EYA1: variants seen among roughly 807,000 people sequenced by gnomAD.
The protein encoded by EYA1 is protein phosphatase EYA1.
In EYA1, 16 loss-of-function variants were observed where a neutral mutation model predicts 82.0. The ratio of observed to expected loss-of-function variants is 0.20; its 90% CI spans 0.13 to 0.30. The LOEUF (loss-of-function observed/expected upper bound fraction) is 0.30, where lower values mean the gene tolerates loss of function less well. Ranked by LOEUF, EYA1 falls within the 10% of genes least tolerant of loss-of-function variation. EYA1 has a pLI of 1.00. For synonymous variants in EYA1, 261 were observed against 264.4 expected, an observed-to-expected ratio of 0.99 and a Z score of 0.12; for missense variants, 633 against 730.7, an observed-to-expected ratio of 0.87 and a Z score of 1.54.
chr8:71,334,884 T>G (rs1174292712), intron 3 of EYA1, among the ~76,000 whole-genome samples: 1 of 152,252 alleles, frequency 6.6e-6, no homozygotes, highest in Admixed American at 6.5e-5. Context: ...CTTTGTGCTG[T>G]GAGATAACTT....
intron 3 of EYA1, among the ~76,000 whole-genome samples, chr8:71,335,946 C>T (rs1824435931): frequency 2.0e-5 from 3 of 152,200 alleles, no homozygotes; most frequent in South Asian, 4.2e-4. Context: ...GAATTAGGTG[C>T]CATGGAAACA....
chr8:71,492,098 A>G (rs902943281), intron 2 of EYA1, among the ~76,000 whole-genome samples: 10 of 152,174 alleles, frequency 6.6e-5, no homozygotes, highest in Non-Finnish European at 1.2e-4. Flanking sequence ...ATGCCAGTCC[A>G]TTAGCAGTGG....
intron 9 of EYA1, among the ~76,000 whole-genome samples, chr8:71,282,980 C>T: frequency 6.8e-6 from 1 of 146,148 alleles, no homozygotes; most frequent in South Asian, 2.2e-4. Flanking sequence ...ATTCTCTGTC[C>T]ATGACTAGAG....
intron 9 of EYA1, among the ~76,000 whole-genome samples, chr8:71,277,592 T>C (rs1395278876): frequency 1.3e-5 from 2 of 152,220 alleles, no homozygotes; most frequent in Admixed American, 1.3e-4. Flanking sequence ...ATCTCTATTA[T>C]AGGATTATAA....
intron 2 of EYA1, among the ~76,000 whole-genome samples, chr8:71,517,947 T>G (rs1813101139): frequency 6.6e-6 from 1 of 151,826 alleles, no homozygotes; most frequent in Non-Finnish European, 1.5e-5. Context: ...TTCCCAATGT[T>G]TTTTAATCAT....
chr8:71,399,751 C>T (rs1053950885), intron 2 of EYA1, among the ~76,000 whole-genome samples: 4 of 152,116 alleles, frequency 2.6e-5, no homozygotes, highest in African/African-American at 9.7e-5. Flanking sequence ...CAATGCTATT[C>T]CCACTAAACT....
chr8:71,241,048 C>A (rs574729689), intron 12 of EYA1, among the ~76,000 whole-genome samples: 2 of 152,142 alleles, frequency 1.3e-5, no homozygotes, highest in Admixed American at 6.5e-5. Flanking sequence ...GGACGTTAGT[C>A]AGACTTAGAA....
chr8:71,349,313 T>C (rs1826074381), intron 3 of EYA1, among the ~76,000 whole-genome samples: 1 of 152,296 alleles, frequency 6.6e-6, no homozygotes, highest in Admixed American at 6.5e-5. Flanking sequence ...TGCTAGGGAA[T>C]GGCATCATTC....
intron 11 of EYA1, among the ~76,000 whole-genome samples, chr8:71,255,496 A>T (rs181180495): frequency 2.0e-4 from 31 of 152,286 alleles, no homozygotes; most frequent in Non-Finnish European, 1.5e-5. Flanking sequence ...TCAATGAGGA[A>T]ATAATAGTCT....
chr8:71,352,930 C>T (rs1195648224), intron 3 of EYA1, among the ~76,000 whole-genome samples: 2 of 152,188 alleles, frequency 1.3e-5, no homozygotes, highest in African/African-American at 4.8e-5. Context: ...TAGGAGACAA[C>T]TTGCCAATAA....
chr8:71,516,069 A>C (rs1181034383), intron 2 of EYA1, among the ~76,000 whole-genome samples: 1 of 152,154 alleles, frequency 6.6e-6, no homozygotes, highest in Non-Finnish European at 1.5e-5. Context: ...TTGGCCTTTG[A>C]CAGTTACACA....
At chr8:71,370,420 A>C (rs1438514087) in intron 2 of EYA1, among the ~76,000 whole-genome samples, 1 of 149,646 alleles carries the variant, frequency 6.7e-6, no homozygotes, top group Non-Finnish European at 1.5e-5. Context: ...AAAGTAAACA[A>C]GGCAGACAGA....
At chr8:71,508,686 T>C (rs1812377986) in intron 2 of EYA1, among the ~76,000 whole-genome samples, 1 of 152,080 alleles carries the variant, frequency 6.6e-6, no homozygotes, top group African/African-American at 2.4e-5. Context: ...ATGAACAAAA[T>C]AATGAGTTCT....
At chr8:71,528,152 C>T (rs538398212) in intron 2 of EYA1, among the ~76,000 whole-genome samples, 3 of 152,256 alleles carry the variant, frequency 2.0e-5, no homozygotes, top group African/African-American at 7.2e-5. Context: ...CAGAGGCAGC[C>T]AGGGGCAATG....
chr8:71,419,008 C>A (rs1831004705), intron 2 of EYA1, among the ~76,000 whole-genome samples: 1 of 152,168 alleles, frequency 6.6e-6, no homozygotes, highest in Non-Finnish European at 1.5e-5. Flanking sequence ...GTTGCTGGAG[C>A]AACTTAACCA....
At chr8:71,441,849 G>A (rs946161755) in intron 2 of EYA1, among the ~76,000 whole-genome samples, 1 of 152,084 alleles carries the variant, frequency 6.6e-6, no homozygotes, top group African/African-American at 2.4e-5. Context: ...TGAGGTCAGG[G>A]CCCTCATTAT....
At chr8:71,323,738 G>A (rs1456787500) in intron 4 of EYA1, among the ~76,000 whole-genome samples, 1 of 152,166 alleles carries the variant, frequency 6.6e-6, no homozygotes. Context: ...GATGCTGCAC[G>A]TGCGAAGGTG....
At chr8:71,546,583 C>T (rs1815612519) in intron 1 of EYA1, among the ~76,000 whole-genome samples, 1 of 151,894 alleles carries the variant, frequency 6.6e-6, no homozygotes, top group South Asian at 2.1e-4. Context: ...TCACTGCAAC[C>T]TCCAACCTCC....
chr8:71,351,753 C>T (rs1826331622), intron 3 of EYA1, among the ~76,000 whole-genome samples: 1 of 152,190 alleles, frequency 6.6e-6, no homozygotes, highest in African/African-American at 2.4e-5. Context: ...ACTTAATATT[C>T]TCTGCCTCTC....
Sources: allele counts gnomAD v4.1 joint callset (sites outside exome capture counted in the v4.1 genomes callset), GRCh38; gene constraint gnomAD v4.1.1; transcripts MANE v1.5; gene names NCBI Gene and HGNC (gene_info 2026-07-23, HGNC 2026-07-21).